Variants in WNK1 observed in about 807,000 individuals in gnomAD.
The protein encoded by WNK1 is serine/threonine-protein kinase WNK1.
WNK1 carries 38 observed loss-of-function variants against 222.8 expected under a neutral mutation model. That is an observed-to-expected ratio of 0.17 (90% CI 0.13 to 0.22). The LOEUF is 0.22. WNK1 is among the 10% of genes least tolerant of loss of function. The probability of loss-of-function intolerance (pLI) is 1.00; values close to 1 mark genes in which losing one functional copy is unlikely to be tolerated. For missense variants in WNK1, 2,348 were observed against 2,918.4 expected (o/e 0.80, Z 4.50); for synonymous variants, 1,090 against 1,092.9 (o/e 1.00, Z 0.05).
At chr12:801,056 C>T (rs1175744256) in intron 1 of WNK1, among the ~76,000 whole-genome samples, 1 of 152,126 alleles carries the variant, frequency 6.6e-6, no homozygotes, top group African/African-American at 2.4e-5. Context: ...ACTTCTTGGG[C>T]CAGAATTTCG....
At chr12:906,836 T>A in intron 26 of WNK1, 1 of 782,176 alleles carries the variant, frequency 1.3e-6, no homozygotes, top group Non-Finnish European at 1.5e-6. Context: ...GCCCAGCAGT[T>A]CATGACTAAG....
At chr12:864,315 T>C (rs937885947) in intron 8 of WNK1, among the ~76,000 whole-genome samples, 1 of 152,028 alleles carries the variant, frequency 6.6e-6, no homozygotes, top group African/African-American at 2.4e-5. Flanking sequence ...TTCACCGTGT[T>C]GGCTAGGCTG....
At chr12:881,258 T>C (rs891943007) in intron 12 of WNK1, among the ~76,000 whole-genome samples, 6 of 152,344 alleles carry the variant, frequency 3.9e-5, no homozygotes, top group Middle Eastern at 3.4e-3. Context: ...GCTAGTACTT[T>C]AGCCATTATT....
Position 885,456 on chromosome 12 carries a change from C to T in WNK1, c.4652C>T (p.Ser1551Phe). 6.2e-7 allele frequency: 1 copy of T among 1,613,956 alleles called. No homozygotes were observed. Among genetic ancestry groups the T allele is most frequent in the Admixed American group, 1.7e-5 (1 of 60,028 alleles). ...AFSLSAPSSS[S>F]SPGAGVSSYI... ...TCCCTCTCTGCACCATCTTCCTCTT[C>T]CTCTCCTGGAGCAGGAGTGTCTAGT... is the stretch of plus-strand genomic sequence containing the variant. Residue 1551 changes from serine (S) to phenylalanine (F), a missense_variant, in exon 19 of 28, where the codon TCC becomes TTC. By Grantham distance (155) the Ser-to-Phe change is radical (BLOSUM62 -2). Coordinates refer to ENST00000315939, the MANE Select transcript of WNK1 (RefSeq NM_018979.4).
At chr12:808,401 C>T (rs1041477302) in intron 1 of WNK1, among the ~76,000 whole-genome samples, 3 of 152,048 alleles carry the variant, frequency 2.0e-5, no homozygotes, top group African/African-American at 7.2e-5. Flanking sequence ...GCCGCCATGC[C>T]CAGCCCTAGT....
chr12:837,227 A>T (rs1421660777), intron 4 of WNK1, among the ~76,000 whole-genome samples: 4 of 152,348 alleles, frequency 2.6e-5, no homozygotes, highest in Admixed American at 1.3e-4. Context: ...TGGATTGGTT[A>T]CAGCTTGCTG....
chr12:794,477 A>G (rs1171753409), intron 1 of WNK1, among the ~76,000 whole-genome samples: 1 of 149,572 alleles, frequency 6.7e-6, no homozygotes, highest in East Asian at 2.0e-4. Context: ...CCAACTGAAG[A>G]TGTTCCTTTT....
intron 4 of WNK1, among the ~76,000 whole-genome samples, chr12:835,621 A>G (rs1949119944): frequency 6.6e-6 from 1 of 151,982 alleles, no homozygotes; most frequent in Non-Finnish European, 1.5e-5. Flanking sequence ...CCTGGAGTTT[A>G]CATTCAGTTT....
At position 775,030 on chromosome 12, in the gene WNK1, A is replaced by G. The variant is rs1317820828; in HGVS notation, c.759+20706A>G. On this transcript the variant is annotated intron_variant, in intron 1 of 27. Transcript: ENST00000315939. ...CTGTTTTTCTTTTTTTCATTTAAGT[A>G]TAGTGAATCTTTGAACTTGATAGGT... Among the ~76,000 whole-genome samples the G allele has an allele frequency of 2.0e-5, 3 of 152,078 alleles. No homozygotes were observed. The East Asian group carries it at 5.8e-4, about 29-fold the overall frequency.
At position 822,382 on chromosome 12, in the gene WNK1, C is replaced by T. The variant is rs374582032; in HGVS notation, c.933-4660C>T. Among the ~76,000 whole-genome samples the T allele has an allele frequency of 2.7e-4, 41 of 152,210 alleles. No individual in the cohort carries two copies. In the East Asian group the frequency reaches 6.0e-3, roughly 22 times the overall value. On this transcript the variant is annotated intron_variant, in intron 2 of 27. Coordinates refer to ENST00000315939, the MANE Select transcript of WNK1 (RefSeq NM_018979.4). ...TGCTGGGATTACAGGCGTAAGCCACCGCCCGCAGCCGTAATATATCACATT... is the reference window on the plus strand; with the variant it reads ...TGCTGGGATTACAGGCGTAAGCCACTGCCCGCAGCCGTAATATATCACATT...
chr12:793,606 G>A (rs1251608504), intron 1 of WNK1, among the ~76,000 whole-genome samples: 1 of 152,048 alleles, frequency 6.6e-6, no homozygotes, highest in Non-Finnish European at 1.5e-5. Context: ...TAAATGAAGT[G>A]GGCCATTTCT....
chr12:839,273 TTAATG>T (rs1417977385), intron 4 of WNK1, among the ~76,000 whole-genome samples: 2 of 152,176 alleles, frequency 1.3e-5, no homozygotes, highest in Non-Finnish European at 2.9e-5. Context: ...AGCTTAGACT[TTAATG>T]TAGAGCACTG....
chr12:828,521 C>G (rs1948550271), intron 3 of WNK1, among the ~76,000 whole-genome samples: 1 of 152,088 alleles, frequency 6.6e-6, no homozygotes, highest in Non-Finnish European at 1.5e-5. Flanking sequence ...TTGTAAGACT[C>G]TGGGGCAGCA....
rs763414550 is a variant in WNK1, at chr12:753,836, A to T, written c.271A>T (p.Thr91Ser). 6.2e-7 allele frequency: 1 copy of T among 1,612,630 alleles called. No individual in the cohort carries two copies. Among genetic ancestry groups the T allele is most frequent in the Non-Finnish European group, 8.5e-7 (1 of 1,179,918 alleles). The part of the protein sequence containing the change: ...RRSVICDSNA[T>S]ALELPGLPLS... The stretch of plus-strand genomic sequence containing the variant: ...GAGCGTCATCTGTGACTCCAATGCC[A>T]CTGCACTGGAGCTTCCCGGCCTTCC... The change falls in exon 1 of 28, where the codon ACT becomes TCT. Residue 91 changes from threonine to serine, a missense_variant. By Grantham distance (58) the Thr-to-Ser change is moderately conservative. Around this residue, in one of 13 missense-constraint regions of WNK1, gnomAD observed 185 missense variants for 159.2 expected, o/e 1.16. Coordinates refer to ENST00000315939, the MANE Select transcript of WNK1 (RefSeq NM_018979.4). This position sits in a 1 kb window ranked among gnomAD's most constrained non-coding sequence, Gnocchi z 5.2.
chr12:770,616 A>G (rs1208565833), intron 1 of WNK1, among the ~76,000 whole-genome samples: 1 of 152,148 alleles, frequency 6.6e-6, no homozygotes, highest in Non-Finnish European at 1.5e-5. Context: ...ACTTCCTTTT[A>G]AAAAATATCT....
intron 9 of WNK1, 88 bp from the exon 10 acceptor site, chr12:878,124 A>C (rs1952793072): frequency 2.6e-6 from 4 of 1,520,606 alleles, no homozygotes; most frequent in Non-Finnish European, 3.6e-6. Flanking sequence ...TTATTTACAG[A>C]CACTGAAGGC....
intron 9 of WNK1, 51 bp downstream of exon 9, chr12:871,399 T>G (rs943353740): frequency 6.4e-7 from 1 of 1,573,336 alleles, no homozygotes; most frequent in South Asian, 1.1e-5. Context: ...GCCAGAACAC[T>G]ATTTTAACTT....
At chr12:879,546 C>CTTTTTTTTTTTTTTTTTTTTT in intron 10 of WNK1, 27 bp from the exon 11 acceptor site, 1 of 647,448 alleles carries the variant, frequency 1.5e-6, no homozygotes. Flanking sequence ...TTAAGCCTGT[C>CTTTTTTTTTTTTTTTTTTTTT]TGTTTTGTTT....
intron 2 of WNK1, among the ~76,000 whole-genome samples, chr12:815,935 TA>T (rs1252334026): frequency 6.6e-6 from 1 of 152,248 alleles, no homozygotes; most frequent in Non-Finnish European, 1.5e-5. Context: ...AAAGAAAGGT[TA>T]ACCTCCAGAT....
Sources: gnomAD v4.1 joint callset for allele counts (sites outside exome capture counted in the v4.1 genomes callset) on GRCh38, gnomAD v4.1.1 for gene constraint, gnomAD v4.1.1 regional missense constraint, Gnocchi (gnomAD v3.1) non-coding constraint, MANE v1.5 for transcripts, NCBI Gene and HGNC (gene_info 2026-07-23, HGNC 2026-07-21) for gene names.